The following NSUN7 variants were observed in gnomAD, a reference collection of about 807,000 sequenced individuals.
NSUN7 encodes the protein NOP2/Sun RNA methyltransferase family member 7.
In NSUN7, 39 loss-of-function variants were observed where a neutral mutation model predicts 58.5. The observed-to-expected ratio is 0.67, with a 90% CI of 0.52 to 0.87. The LOEUF is 0.87. Ranked by LOEUF, NSUN7 falls within the 40% of genes least tolerant of loss-of-function variation. The pLI is 0.00. For missense variants in NSUN7, 765 were observed against 844.1 expected, an observed-to-expected ratio of 0.91 and a Z score of 1.16; for synonymous variants, 278 against 303.7, an observed-to-expected ratio of 0.92 and a Z score of 0.88.
intron 7 of NSUN7, among the ~76,000 whole-genome samples, chr4:40,780,796 T>C (rs56238292): frequency 0.27 from 20,614 of 76,596 alleles, 2,609 homozygotes; most frequent in Admixed American, 0.34. Context: ...CATACACATA[T>C]ATATATATAT....
chr4:40,760,731 C>G (rs972172700), intron 3 of NSUN7, among the ~76,000 whole-genome samples: 2 of 151,884 alleles, frequency 1.3e-5, no homozygotes, highest in Non-Finnish European at 2.9e-5. Context: ...TGTGGTGGCA[C>G]ATGCCTGTAA....
At chr4:40,776,323 G>A in intron 7 of NSUN7, 64 bp downstream of exon 7, 1 of 1,166,456 alleles carries the variant, frequency 8.6e-7, no homozygotes, top group South Asian at 1.5e-5. Flanking sequence ...ACGTTAAAAA[G>A]TTTTAATTTA....
rs1742250468 is a variant in NSUN7, at chr4:40,776,125, C to T, written c.902C>T (p.Thr301Ile). Residue 301 changes from threonine (T) to isoleucine (I), a missense_variant, in exon 7 of 12, where the codon ACA becomes ATA. By Grantham distance (89) the Thr-to-Ile change is moderately conservative. Coordinates refer to ENST00000381782, the MANE Select transcript of NSUN7 (RefSeq NM_024677.6). The part of the protein sequence containing the change: ...NMDDDVLMVN[T>I]GSWYTVSHMS... ...GATGATGATGTCTTAATGGTCAATA[C>T]AGGCTCATGGTACACAGTTTCCCAC... 2 of 1,607,912 alleles carry T rather than the reference C, an allele frequency of 1.2e-6. No homozygotes were observed. The highest frequency in any genetic ancestry group is 1.1e-5 in the South Asian group (1 of 90,740).
In NSUN7 at chr4:40,807,186, TA is replaced by T. The variant is rs1560566781; in HGVS notation, c.1524+4del. On this transcript the variant is annotated splice_donor_region_variant and intron_variant, in intron 11 of 11. Coordinates refer to ENST00000381782, the MANE Select transcript of NSUN7 (RefSeq NM_024677.6). ...TTTCTTTCTATTTTAACAAGGGAGGTAAGGAAAAAAAATCCTAATCCATGTC... is the reference window on the plus strand; with the variant it reads ...TTTCTTTCTATTTTAACAAGGGAGGTAGGAAAAAAAATCCTAATCCATGTC... 1 of 1,536,084 alleles carries T rather than the reference TA, an allele frequency of 6.5e-7. No homozygotes were observed. The highest frequency in any genetic ancestry group is 2.2e-5 in the Admixed American group (1 of 46,490).
chr4:40,795,817 T>G (rs1414761165), intron 9 of NSUN7, among the ~76,000 whole-genome samples: 2 of 152,316 alleles, frequency 1.3e-5, no homozygotes, highest in East Asian at 3.9e-4. Flanking sequence ...AAATACAAAT[T>G]AAAAATACCA....
chr4:40,802,010 T>C (rs951518488), intron 10 of NSUN7, among the ~76,000 whole-genome samples: 1 of 152,182 alleles, frequency 6.6e-6, no homozygotes, highest in Non-Finnish European at 1.5e-5. Flanking sequence ...TTTTGTGTTA[T>C]GTGAATTCCT....
At chr4:40,767,760 G>C (rs1383949293) in intron 4 of NSUN7, among the ~76,000 whole-genome samples, 1 of 152,162 alleles carries the variant, frequency 6.6e-6, no homozygotes, top group African/African-American at 2.4e-5. Flanking sequence ...AAAGATGTTA[G>C]GACTTTAATT....
chr4:40,764,077 T>A (rs1237036118), intron 4 of NSUN7, among the ~76,000 whole-genome samples: 9 of 152,070 alleles, frequency 5.9e-5, no homozygotes, highest in East Asian at 1.9e-4. Context: ...TTTTTTAATT[T>A]TTTTATTTTA....
intron 7 of NSUN7, among the ~76,000 whole-genome samples, chr4:40,777,736 T>C (rs890592394): frequency 1.3e-5 from 2 of 152,184 alleles, no homozygotes; most frequent in African/African-American, 4.8e-5. Context: ...CCACAGTGTA[T>C]CTGGAGATAC....
chr4:40,789,292 T>G (rs1742972913), intron 7 of NSUN7, among the ~76,000 whole-genome samples: 1 of 152,076 alleles, frequency 6.6e-6, no homozygotes, highest in African/African-American at 2.4e-5. Flanking sequence ...GAAGTTTCAT[T>G]AAGAAATAAA....
intron 7 of NSUN7, among the ~76,000 whole-genome samples, chr4:40,781,126 GAGCTATCTC>G (rs1197224516): frequency 1.3e-5 from 2 of 151,922 alleles, no homozygotes; most frequent in Non-Finnish European, 2.9e-5. Flanking sequence ...GACTGCAGTG[GAGCTATCTC>G]AGCTCACTGC....
At chr4:40,798,952 A>T in intron 10 of NSUN7, 48 bp downstream of exon 10, 1 of 932,828 alleles carries the variant, frequency 1.1e-6, no homozygotes, top group Non-Finnish European at 1.6e-6. Context: ...AATATTTTTT[A>T]AAAGGAAAAA....
In NSUN7 at chr4:40,750,835, G is replaced by A. The variant is rs763670517; in HGVS notation, c.142G>A (p.Val48Ile). The A allele has an allele frequency of 1.2e-6, 2 of 1,614,078 alleles. No individual in the cohort carries two copies. The highest frequency in any genetic ancestry group is 2.7e-5 in the African/African-American group (2 of 74,932). ...EKTGYPDSVY[V>I]MAANIFQGIR... ...AACGGGCTATCCGGACTCCGTTTAT[G>A]TCATGGCAGCCAACATTTTTCAGGG... is the stretch of plus-strand genomic sequence containing the variant. The change falls in exon 2 of 12, where the codon GTC becomes ATC. Residue 48 changes from valine to isoleucine, a missense_variant. Val to Ile is a conservative substitution (Grantham distance 29). Coordinates refer to ENST00000381782, the MANE Select transcript of NSUN7 (RefSeq NM_024677.6).
rs1228798616 is a variant in NSUN7, at chr4:40,761,258, G to A, written c.445G>A (p.Glu149Lys). The change falls in exon 4 of 12, where the codon GAG (glutamate) becomes AAG (lysine). Residue 149 changes from glutamate (E) to lysine (K), a missense_variant. Physicochemically the swap from Glu to Lys is moderately conservative, Grantham distance 56. Transcript: ENST00000381782. ...AACTCGTGTCCTTTCTGATAATGAAGAGCCCATATCAGAAGTTCAAGAAGT... is the reference window on the plus strand; with the variant it reads ...AACTCGTGTCCTTTCTGATAATGAAAAGCCCATATCAGAAGTTCAAGAAGT... ...FQTRVLSDNEEPISEVQEVEN... is the reference protein window; with the variant it reads ...FQTRVLSDNEKPISEVQEVEN... 1.3e-6 allele frequency: 2 copies of A among 1,594,200 alleles called. No individual in the cohort carries two copies. Among genetic ancestry groups the A allele is most frequent in the Non-Finnish European group, 1.7e-6 (2 of 1,174,022 alleles).
At chr4:40,759,662 A>G (rs1009630858) in intron 2 of NSUN7, among the ~76,000 whole-genome samples, 2 of 152,252 alleles carry the variant, frequency 1.3e-5, no homozygotes, top group African/African-American at 2.4e-5. Context: ...AAACTCTGAT[A>G]CCAACACTGA....
intron 2 of NSUN7, among the ~76,000 whole-genome samples, chr4:40,751,532 C>T (rs1740833220): frequency 1.3e-5 from 2 of 151,910 alleles, no homozygotes; most frequent in Admixed American, 6.6e-5. Context: ...GGAACAGAGA[C>T]GGAATAAAAA....
At chr4:40,786,486 A>G (rs987648824) in intron 7 of NSUN7, 1 of 1,613,140 alleles carries the variant, frequency 6.2e-7, no homozygotes, top group African/African-American at 1.3e-5. Flanking sequence ...CAGAAAATCA[A>G]GGAGTCCCTG....
intron 4 of NSUN7, among the ~76,000 whole-genome samples, chr4:40,773,988 GGGTTTCCCCAGGTTGGTCAGGC>G (rs1742142218): frequency 6.6e-6 from 1 of 152,038 alleles, no homozygotes; most frequent in Non-Finnish European, 1.5e-5. Flanking sequence ...AGTAGAGATG[GGGTTTCCCCAGGTTGGTCAGGC>G]TGGTCTCGAA....
At chr4:40,790,064 CTTTTT>C (rs60071501) in intron 7 of NSUN7, among the ~76,000 whole-genome samples, 1 of 121,586 alleles carries the variant, frequency 8.2e-6, no homozygotes, top group Admixed American at 9.1e-5. Flanking sequence ...CCTCCCCCAC[CTTTTT>C]TTTTTTTTTT....
Sources: gnomAD v4.1 joint callset for allele counts (sites outside exome capture counted in the v4.1 genomes callset) on GRCh38, gnomAD v4.1.1 for gene constraint, MANE v1.5 for transcripts, NCBI Gene and HGNC (gene_info 2026-07-23, HGNC 2026-07-21) for gene names.